The following APC2 variants were observed in gnomAD, a reference collection of about 807,000 sequenced individuals.
The protein encoded by APC2 is APC regulator of Wnt signaling pathway 2.
APC2 carries 41 observed loss-of-function variants against 72.5 expected under a neutral mutation model. The observed-to-expected ratio is 0.57, with a 90% CI of 0.44 to 0.73. APC2 has a LOEUF of 0.73. Ranked by LOEUF, APC2 falls within the 30% of genes least tolerant of loss-of-function variation. The pLI is 0.00. For synonymous variants in APC2, 1,898 were observed against 1,612.0 expected (o/e 1.18, Z -4.25); for missense variants, 3,729 against 3,403.4 (o/e 1.10, Z -2.38).
rs1233441144 is a variant in APC2, at chr19:1,465,757, C to A, written c.2456C>A (p.Thr819Asn). 6.5e-7 allele frequency: 1 copy of A among 1,532,298 alleles called. No individual in the cohort carries two copies. The highest frequency in any genetic ancestry group is 8.8e-7 in the Non-Finnish European group (1 of 1,142,244). 94.9% of individuals were successfully genotyped at this position (1,532,298 alleles called of 1,614,324 possible). ...PFLQGQALAR[T>N]PPTRRGGKEA... Reference sequence around the variant, plus strand: ...CTGCAGGGGCAGGCGCTGGCTCGCACCCCGCCCACCCGCCGAGGCGGCAAG... The same window carrying A: ...CTGCAGGGGCAGGCGCTGGCTCGCAACCCGCCCACCCGCCGAGGCGGCAAG... The change falls in exon 15 of 15, where the codon ACC (threonine) becomes AAC (asparagine). Residue 819 changes from threonine (T) to asparagine (N), a missense_variant. By Grantham distance (65) the Thr-to-Asn change is moderately conservative. Coordinates refer to ENST00000590469, the MANE Select transcript of APC2 (RefSeq NM_005883.3).
chr19:1,462,319 T>C, intron 14 of APC2, 142 bp downstream of exon 14: 1 of 763,344 alleles, frequency 1.3e-6, no homozygotes, highest in Non-Finnish European at 2.1e-6. Context: ...ACGTCCCAAA[T>C]ACTGCGTGAG....
rs1008965530 is a variant in APC2, at chr19:1,465,443, C to T, written c.2142C>T (p.Cys714=). Residue 714 remains cysteine, a synonymous_variant, in exon 15 of 15, where the codon TGC becomes TGT. Transcript: ENST00000590469. The part of the protein sequence containing the change: ...AAATAVSPGS[C]VPSLYVRKQR... ...CCACCGCCGTGTCCCCAGGCAGCTG[C>T]GTGCCCAGCCTGTACGTGCGCAAGC... 27 of 1,538,660 alleles carry T rather than the reference C, an allele frequency of 1.8e-5. No homozygotes were observed. The Middle Eastern group carries it at 6.0e-4, about 34-fold the overall frequency.
chr19:1,453,839 G>C (rs2083778063), intron 4 of APC2, among the ~76,000 whole-genome samples: 1 of 152,170 alleles, frequency 6.6e-6, no homozygotes, highest in Admixed American at 6.5e-5. Flanking sequence ...GGAGTTCAGA[G>C]AGGATGGGGG....
Position 1,457,255 on chromosome 19 carries a change from G to T in APC2, c.1207+12G>T. The T allele has an allele frequency of 6.6e-7, 1 of 1,509,086 alleles. No individual in the cohort carries two copies. The allele number at this position is 1,509,086 out of a possible 1,614,324, so 93.5% of individuals were successfully genotyped here. On this transcript the variant is annotated intron_variant, in intron 9 of 14. Coordinates refer to ENST00000590469, the MANE Select transcript of APC2 (RefSeq NM_005883.3). ...TGGCGCCGGCAGCGGTGAGTGCCTG[G>T]CCTGGTGGGCCCCCTCCGCGCAATT...
At chr19:1,454,881 T>G (rs1176774124) in intron 4 of APC2, among the ~76,000 whole-genome samples, 8 of 152,056 alleles carry the variant, frequency 5.3e-5, no homozygotes, top group Non-Finnish European at 1.0e-4. Context: ...ATTTTTATAT[T>G]TTTTATTTTT....
chr19:1,460,994 C>T (rs2083913877), intron 12 of APC2, 43 bp from the exon 13 acceptor site: 5 of 1,605,554 alleles, frequency 3.1e-6, no homozygotes, highest in Non-Finnish European at 4.3e-6. Context: ...GTTTGGGGGG[C>T]CTGGACCCTA....
chr19:1,460,100 C>T (rs2083899058), intron 10 of APC2, 81 bp from the exon 11 acceptor site: 3 of 1,585,472 alleles, frequency 1.9e-6, no homozygotes, highest in Non-Finnish European at 2.6e-6. Context: ...GGGAGGGCCT[C>T]TGGGCAAGGG....
rs2083932919 is a variant in APC2 at position 1,461,963 on chromosome 19, G to C, written c.1639G>C (p.Glu547Gln). ...CGCCCCTCTCCCGCCCCTCGTCCAG[G>C]AGTCCACCCTGAAGAGCGTGCTGAG... is the stretch of plus-strand genomic sequence containing the variant. ...LVQCVLRATK[E>Q]STLKSVLSAL... is the part of the protein sequence containing the mutation. Residue 547 changes from glutamate to glutamine, a missense_variant and splice_region_variant, in exon 14 of 15, where the codon GAG becomes CAG. Transcript: ENST00000590469. 2.5e-6 allele frequency: 4 copies of C among 1,605,368 alleles called. No homozygotes were observed. The highest frequency in any genetic ancestry group is 2.2e-5 in the East Asian group (1 of 44,624).
intron 10 of APC2, 137 bp downstream of exon 10, chr19:1,458,197 G>T (rs2083868744): frequency 7.8e-6 from 6 of 767,912 alleles, no homozygotes; most frequent in Non-Finnish European, 1.3e-5. Context: ...CAGACTCCCT[G>T]GAGTCACATA....
intron 8 of APC2, among the ~76,000 whole-genome samples, chr19:1,456,641 C>CTTGGCT (rs923966312): frequency 7.9e-5 from 12 of 152,224 alleles, no homozygotes; most frequent in African/African-American, 2.9e-4. Flanking sequence ...CGTGGAGTCC[C>CTTGGCT]TTGGCTCTGC....
chr19:1,465,116 G>A (rs1377383452), intron 14 of APC2, 39 bp from the exon 15 acceptor site: 15 of 1,567,882 alleles, frequency 9.6e-6, no homozygotes, highest in Non-Finnish European at 1.2e-5. Context: ...GCAGGGGAGG[G>A]TGGGGGGTGG....
At position 1,465,573 on chromosome 19, in the gene APC2, C is replaced by T; in HGVS notation, c.2272C>T (p.Leu758=). The change falls in exon 15 of 15, where the codon CTG becomes TTG. Residue 758 remains leucine (L), a synonymous_variant. Transcript: ENST00000590469. ...PAAEAATKKP[L]PPLRHLDGLA... ...AGCCGAGGCCGCCACTAAGAAGCCG[C>T]TGCCGCCCCTGCGACACCTGGACGG... 2 of 1,560,602 alleles carry T rather than the reference C, an allele frequency of 1.3e-6. No individual in the cohort carries two copies. The highest frequency in any genetic ancestry group is 1.2e-5 in the South Asian group (1 of 84,982).
rs1189450144 is a variant in APC2 at position 1,469,276 on chromosome 19, G to A, written c.5975G>A (p.Arg1992Gln). The change falls in exon 15 of 15, where the codon CGG (arginine) becomes CAG (glutamine). Residue 1992 changes from arginine (R) to glutamine (Q), a missense_variant. Transcript: ENST00000590469. ...GAGTCCTCCGACCGCTCGGGCTTCC[G>A]GCGACAGCTAACCTTCATCAAGGAG... ...GSESSDRSGF[R>Q]RQLTFIKESP... 3 of 1,425,758 alleles carry A rather than the reference G, an allele frequency of 2.1e-6. No homozygotes were observed. Among genetic ancestry groups the A allele is most frequent in the Middle Eastern group, 2.5e-4 (1 of 3,936 alleles). 88.3% of individuals were successfully genotyped at this position (1,425,758 alleles called of 1,614,324 possible).
At chr19:1,448,775 C>T (rs1158804020), upstream of APC2, among the ~76,000 whole-genome samples, 11 of 148,318 alleles carry the variant, frequency 7.4e-5, no homozygotes, top group South Asian at 2.3e-3. Context: ...ACCTGGGAGG[C>T]GGAGCTTGCA....
At chr19:1,448,849 AAAAAAAAAG>A (rs1483548461), upstream of APC2, among the ~76,000 whole-genome samples, 280 of 151,510 alleles carry the variant, frequency 1.8e-3, 4 homozygotes, top group African/African-American at 6.5e-3. Flanking sequence ...GTCTCAAAAA[AAAAAAAAAG>A]AAAAAAAAGA....
At chr19:1,456,003 T>C in intron 6 of APC2, 73 bp from the exon 7 acceptor site, 2 of 1,389,112 alleles carry the variant, frequency 1.4e-6, no homozygotes, top group South Asian at 1.3e-5. Context: ...GGTGGGGTCA[T>C]CCCAGGGAGA....
intron 14 of APC2, among the ~76,000 whole-genome samples, chr19:1,464,242 G>T (rs1336605182): frequency 2.6e-5 from 4 of 152,102 alleles, no homozygotes; most frequent in African/African-American, 9.7e-5. Context: ...CCAGGAGGTG[G>T]AGGTTGCAGT....
intron 3 of APC2, 37 bp from the exon 4 acceptor site, chr19:1,453,394 A>C: frequency 1.2e-6 from 2 of 1,610,094 alleles, no homozygotes; most frequent in Non-Finnish European, 1.7e-6. Flanking sequence ...AAAGGCAGGC[A>C]GGGCCGCTGA....
At chr19:1,458,208 G>A in intron 10 of APC2, 148 bp downstream of exon 10, 3 of 718,210 alleles carry the variant, frequency 4.2e-6, no homozygotes, top group Non-Finnish European at 4.7e-6. Flanking sequence ...GAGTCACATA[G>A]CACCTCTCAT....
Sources: allele counts gnomAD v4.1 joint callset (sites outside exome capture counted in the v4.1 genomes callset), GRCh38; gene constraint gnomAD v4.1.1; transcripts MANE v1.5; gene names NCBI Gene and HGNC (gene_info 2026-07-23, HGNC 2026-07-21).